The following CFAP77 variants were observed in gnomAD, a reference collection of about 807,000 sequenced individuals.
CFAP77 encodes the protein cilia and flagella associated protein 77.
A neutral mutation model predicts 31.1 loss-of-function variants in CFAP77; 25 were observed. The observed-to-expected ratio is 0.80, with a 90% CI of 0.59 to 1.12. CFAP77 has a LOEUF of 1.12. CFAP77 is among the 50% of genes most tolerant of loss of function. The pLI is 0.00. For synonymous variants in CFAP77, 151 were observed against 159.9 expected, an observed-to-expected ratio of 0.94 and a Z score of 0.42; for missense variants, 377 against 397.3, an observed-to-expected ratio of 0.95 and a Z score of 0.44.
chr9:132,566,933 A>G (rs1250876054), intron 5 of CFAP77, among the ~76,000 whole-genome samples: 2 of 152,130 alleles, frequency 1.3e-5, no homozygotes, highest in Non-Finnish European at 2.9e-5. Flanking sequence ...TTCACTCATC[A>G]TTCATTCATA....
intron 1 of CFAP77, among the ~76,000 whole-genome samples, chr9:132,472,829 C>T (rs910548325): frequency 1.3e-4 from 20 of 152,126 alleles, no homozygotes; most frequent in African/African-American, 4.1e-4. Context: ...GCTGTGTGCC[C>T]GGCTCTGGGA....
chr9:132,446,477 A>G (rs1287525213), intron 1 of CFAP77, among the ~76,000 whole-genome samples: 1 of 152,070 alleles, frequency 6.6e-6, no homozygotes, highest in Non-Finnish European at 1.5e-5. Context: ...GTGGTGGCTC[A>G]CGCCTGTAAT....
rs1188460264 is a variant in CFAP77, at chr9:132,490,236, A to G, written c.196-8459A>G. On this transcript the variant is annotated intron_variant, in intron 1 of 5. Transcript: ENST00000393216. The surrounding 1 kb of genome is among the most constrained non-coding windows in gnomAD (Gnocchi z 4.6). The stretch of plus-strand genomic sequence containing the variant: ...GACTCAACCACCCCCTAAAGGCCAC[A>G]CCCCTGAATACTGTTGCATTGGGAT... Among the ~76,000 whole-genome samples, 1 of 152,088 alleles carries G rather than the reference A, an allele frequency of 6.6e-6. No individual in the cohort carries two copies. The highest frequency in any genetic ancestry group is 1.5e-5 in the Non-Finnish European group (1 of 68,012).
At chr9:132,437,337 A>C (rs892785015) in intron 1 of CFAP77, among the ~76,000 whole-genome samples, 6 of 152,098 alleles carry the variant, frequency 3.9e-5, no homozygotes, top group African/African-American at 1.4e-4. Flanking sequence ...AAAGACATTA[A>C]GGTGCACTCC....
chr9:132,502,464 C>A (rs560651809), intron 3 of CFAP77, among the ~76,000 whole-genome samples: 1 of 151,912 alleles, frequency 6.6e-6, no homozygotes, highest in African/African-American at 2.4e-5. Flanking sequence ...CATCCCAAAC[C>A]GAAACTCTTT....
intron 1 of CFAP77, among the ~76,000 whole-genome samples, chr9:132,489,017 C>T (rs889978644): frequency 7.2e-5 from 11 of 152,210 alleles, no homozygotes; most frequent in East Asian, 1.9e-4. Flanking sequence ...CGGAAAAAGG[C>T]GGTTTGAAGG....
chr9:132,443,701 T>C (rs1339657285), intron 1 of CFAP77, among the ~76,000 whole-genome samples: 1 of 152,220 alleles, frequency 6.6e-6, no homozygotes, highest in Non-Finnish European at 1.5e-5. Context: ...TTTCAAGATA[T>C]TAACCCAAGA....
At chr9:132,464,506 C>A (rs1851117653) in intron 1 of CFAP77, among the ~76,000 whole-genome samples, 1 of 152,150 alleles carries the variant, frequency 6.6e-6, no homozygotes. Context: ...CTAGAAGCCA[C>A]ATTCAATACG....
In CFAP77 at chr9:132,540,830, G is replaced by A. The variant is rs114595987; in HGVS notation, c.631-2116G>A. On this transcript the variant is annotated intron_variant, in intron 4 of 5. Coordinates refer to ENST00000393216, the MANE Select transcript of CFAP77 (RefSeq NM_001282957.2). The stretch of plus-strand genomic sequence containing the variant: ...TGAGGGTCGCATAACCTGCTTGAGG[G>A]GAGAAGGGCAGGGGATGTGAGCGAG... Among the ~76,000 whole-genome samples the A allele has an allele frequency of 7.3e-3, 1,105 of 152,266 alleles. 17 individuals carry two copies. The highest frequency in any genetic ancestry group is 0.025 in the African/African-American group (1,039 of 41,558).
intron 3 of CFAP77, among the ~76,000 whole-genome samples, chr9:132,530,897 GTTTAATGTTTTGTA>G (rs1203269118): frequency 6.6e-6 from 1 of 152,164 alleles, no homozygotes; most frequent in African/African-American, 2.4e-5. Flanking sequence ...AAGTTGTATA[GTTTAATGTTTTGTA>G]TTTAAATCTG....
intron 3 of CFAP77, among the ~76,000 whole-genome samples, chr9:132,504,475 T>C (rs919255903): frequency 1.3e-5 from 2 of 152,218 alleles, no homozygotes; most frequent in Non-Finnish European, 2.9e-5. Flanking sequence ...CATATGCAAA[T>C]TGAATGGATT....
chr9:132,449,496 G>T (rs1292594548), intron 1 of CFAP77, among the ~76,000 whole-genome samples: 4 of 151,276 alleles, frequency 2.6e-5, no homozygotes, highest in Non-Finnish European at 5.9e-5. Flanking sequence ...ATTCATCCAT[G>T]TTGTGGCCTA....
At chr9:132,569,364 C>G (rs1829925958) in intron 5 of CFAP77, among the ~76,000 whole-genome samples, 1 of 151,688 alleles carries the variant, frequency 6.6e-6, no homozygotes, top group Non-Finnish European at 1.5e-5. Flanking sequence ...CATGGTTGTG[C>G]CACTGCACTC....
At chr9:132,486,020 ATATATATATATATATATATATG>A (rs1320400397) in intron 1 of CFAP77, among the ~76,000 whole-genome samples, 32 of 43,034 alleles carry the variant, frequency 7.4e-4, no homozygotes, top group African/African-American at 4.5e-3. Flanking sequence ...ATATATATAT[ATATATATATATATATATATATG>A]TATGTATATG....
chr9:132,428,393 G>A (rs1286315393), intron 1 of CFAP77, among the ~76,000 whole-genome samples: 1 of 152,078 alleles, frequency 6.6e-6, no homozygotes, highest in Non-Finnish European at 1.5e-5. Context: ...GGCTGAGGCA[G>A]GCGGGAGGTC....
chr9:132,538,901 C>T (rs1852592017), intron 4 of CFAP77, among the ~76,000 whole-genome samples: 1 of 152,062 alleles, frequency 6.6e-6, no homozygotes, highest in Non-Finnish European at 1.5e-5. Context: ...TCCTGGCTAA[C>T]ACGGTGAAAC....
intron 3 of CFAP77, among the ~76,000 whole-genome samples, chr9:132,504,214 C>G (rs902224982): frequency 3.3e-5 from 5 of 152,224 alleles, no homozygotes; most frequent in Admixed American, 1.3e-4. Context: ...TCAGGCTCCC[C>G]ATCCAGTGCT....
In CFAP77 at chr9:132,497,052, T is replaced by G. The variant is rs12002836; in HGVS notation, c.196-1643T>G. Among the ~76,000 whole-genome samples, 14,143 of 151,958 alleles carry G rather than the reference T, an allele frequency of 0.093. 1,050 individuals carry two copies. The highest frequency in any genetic ancestry group is 0.21 in the African/African-American group (8,561 of 41,390). ...ACAGGGCTTGAAGAATAAGGACCAG[T>G]AAGGGTGGGCCTTGAGCAAAGAGCA... On this transcript the variant is annotated intron_variant, in intron 1 of 5. Coordinates refer to ENST00000393216, the MANE Select transcript of CFAP77 (RefSeq NM_001282957.2). The surrounding 1 kb of genome is among the most constrained non-coding windows in gnomAD (Gnocchi z 4.9).
At chr9:132,548,973 C>T (rs1173887381) in intron 5 of CFAP77, among the ~76,000 whole-genome samples, 1 of 152,136 alleles carries the variant, frequency 6.6e-6, no homozygotes, top group Non-Finnish European at 1.5e-5. Flanking sequence ...GTCTCCTGGG[C>T]CCCTGGCTCC....
Sources: gnomAD v4.1 joint callset for allele counts (sites outside exome capture counted in the v4.1 genomes callset) on GRCh38, gnomAD v4.1.1 for gene constraint, Gnocchi (gnomAD v3.1) non-coding constraint, MANE v1.5 for transcripts, NCBI Gene and HGNC (gene_info 2026-07-23, HGNC 2026-07-21) for gene names.